The following TRIM36 variants were observed in gnomAD, a reference collection of about 807,000 sequenced individuals.
TRIM36 encodes E3 ubiquitin-protein ligase TRIM36.
In TRIM36, 42 loss-of-function variants were observed where a neutral mutation model predicts 72.4. The observed-to-expected ratio is 0.58, with a 90% CI of 0.45 to 0.75. The LOEUF is 0.75. Among genes scored for constraint, TRIM36 ranks in the 30% least tolerant of loss-of-function variants. The probability of loss-of-function intolerance (pLI) is 0.00; values close to 1 mark genes in which losing one functional copy is unlikely to be tolerated. For synonymous variants in TRIM36, 315 were observed against 282.8 expected, an observed-to-expected ratio of 1.11 and a Z score of -1.14; for missense variants, 913 against 857.1, an observed-to-expected ratio of 1.07 and a Z score of -0.81.
chr5:115,140,016 C>T (rs1025191693), intron 5 of TRIM36, among the ~76,000 whole-genome samples: 20 of 152,118 alleles, frequency 1.3e-4, no homozygotes, highest in Non-Finnish European at 2.9e-4. Context: ...TGATCATCTG[C>T]TTTGTGTTGA....
upstream of TRIM36, among the ~76,000 whole-genome samples, chr5:115,173,177 C>T (rs1354744786): frequency 6.6e-6 from 1 of 152,154 alleles, no homozygotes; most frequent in African/African-American, 2.4e-5. Context: ...AGACCCTTCC[C>T]AGTTCCTCAA....
In TRIM36 at chr5:115,126,296, G is replaced by T; in HGVS notation, c.*207C>A. The T allele has an allele frequency of 1.9e-6, 1 of 533,356 alleles. No individual in the cohort carries two copies. Among genetic ancestry groups the T allele is most frequent in the Admixed American group, 3.4e-5 (1 of 29,808 alleles). 33.0% of individuals were successfully genotyped at this position (533,356 alleles called of 1,614,324 possible). A position where few individuals can be genotyped will look rare whatever the true frequency, so the allele number is the denominator to read the frequency against. On this transcript the variant is annotated 3_prime_UTR_variant, in exon 10 of 10. Coordinates refer to ENST00000513154, the MANE Select transcript of TRIM36 (RefSeq NM_001300759.2). Reference sequence around the variant, plus strand: ...AACCACTTCAGTATTAACTTGGAAAGAACATCTTCACTTTCATCATTTGTG... The same window carrying T: ...AACCACTTCAGTATTAACTTGGAAATAACATCTTCACTTTCATCATTTGTG...
chr5:115,137,473 T>TAGAAGAC lies in TRIM36; in HGVS notation c.974_975insGTCTTCT (p.Glu326SerfsTer51). Reference sequence around the variant, plus strand: ...TGTTCTCTAGAAGTCCCTGGTACTCTTCCATTTGAGTCTGAAATTTGTCTA... The same window carrying TAGAAGAC: ...TGTTCTCTAGAAGTCCCTGGTACTCTAGAAGACTCCATTTGAGTCTGAAATTTGTCTA... On this transcript the variant is annotated frameshift_variant, in exon 6 of 10. Coordinates refer to ENST00000513154, the MANE Select transcript of TRIM36 (RefSeq NM_001300759.2). LOFTEE classifies it high-confidence loss of function. 1 of 1,614,204 alleles carries TAGAAGAC rather than the reference T, an allele frequency of 6.2e-7. No individual in the cohort carries two copies. Among genetic ancestry groups the TAGAAGAC allele is most frequent in the Non-Finnish European group, 8.5e-7 (1 of 1,180,028 alleles).
chr5:115,164,754 T>G (rs1409713379), intron 1 of TRIM36, among the ~76,000 whole-genome samples: 1 of 152,154 alleles, frequency 6.6e-6, no homozygotes, highest in Non-Finnish European at 1.5e-5. Context: ...CAATCATGCT[T>G]CCAAACAGTC....
At chr5:115,170,481 G>A (rs1394214383), upstream of TRIM36, among the ~76,000 whole-genome samples, 1 of 152,206 alleles carries the variant, frequency 6.6e-6, no homozygotes, top group Non-Finnish European at 1.5e-5. Flanking sequence ...GGCGACCAGA[G>A]TGAGACCCCG....
upstream of TRIM36, among the ~76,000 whole-genome samples, chr5:115,172,971 G>T (rs1263713893): frequency 3.3e-5 from 5 of 152,104 alleles, no homozygotes; most frequent in Admixed American, 6.5e-5. Context: ...AACTTTTTAA[G>T]GTTAAAAATC....
rs548335548 is a variant in TRIM36 at position 115,147,705 on chromosome 5, TTAAGA to T, written c.263-316_263-312del. On this transcript the variant is annotated intron_variant, in intron 2 of 9. Coordinates refer to ENST00000513154, the MANE Select transcript of TRIM36 (RefSeq NM_001300759.2). ...ACACGTAATACAATACTACATGGCGTTAAGATCTTTTAAAATTATATAATTAGCAT... is the reference window on the plus strand; with the variant it reads ...ACACGTAATACAATACTACATGGCGTTCTTTTAAAATTATATAATTAGCAT... Among the ~76,000 whole-genome samples, 20 of 152,226 alleles carry T rather than the reference TTAAGA, an allele frequency of 1.3e-4. No homozygotes were observed. In the East Asian group the frequency reaches 2.7e-3, roughly 21 times the overall value.
At chr5:115,160,398 A>C (rs1320948167) in intron 2 of TRIM36, among the ~76,000 whole-genome samples, 1 of 152,214 alleles carries the variant, frequency 6.6e-6, no homozygotes, top group East Asian at 1.9e-4. Context: ...ATTAAAGATC[A>C]TTTCACAGTC....
At chr5:115,158,076 T>C (rs1419243527) in intron 2 of TRIM36, among the ~76,000 whole-genome samples, 5 of 151,908 alleles carry the variant, frequency 3.3e-5, no homozygotes, top group South Asian at 2.1e-4. Context: ...AACTTACTCA[T>C]GTAACCAAAC....
At chr5:115,176,182 T>C (rs185441951) in intron 1 of TRIM36, among the ~76,000 whole-genome samples, 27 of 152,318 alleles carry the variant, frequency 1.8e-4, no homozygotes, top group African/African-American at 6.5e-4. Flanking sequence ...ACCTTACCAT[T>C]ATCACCCCAG....
intron 1 of TRIM36, chr5:115,177,682 A>G: frequency 4.3e-6 from 7 of 1,609,334 alleles, no homozygotes; most frequent in Non-Finnish European, 5.1e-6. Flanking sequence ...TTACGTTGAA[A>G]TGGTTAGGAG....
intron 2 of TRIM36, among the ~76,000 whole-genome samples, chr5:115,155,541 T>C (rs1277567311): frequency 2.0e-5 from 3 of 152,272 alleles, no homozygotes; most frequent in Non-Finnish European, 2.9e-5. Context: ...ATACACCACA[T>C]AAACAGAATT....
intron 4 of TRIM36, among the ~76,000 whole-genome samples, chr5:115,143,110 G>C (rs965254873): frequency 6.7e-6 from 1 of 149,370 alleles, no homozygotes; most frequent in African/African-American, 2.5e-5. Flanking sequence ...ATCAACTCTT[G>C]TGTGTGAGGA....
At chr5:115,169,020 G>C (rs1221012011) in intron 1 of TRIM36, 2 of 152,308 alleles carry the variant, frequency 1.3e-5, no homozygotes, top group African/African-American at 4.8e-5. Flanking sequence ...CTGATTAAGT[G>C]TGATGTGGCG....
chr5:115,134,033 T>G lies in TRIM36; in HGVS notation c.1325A>C (p.Lys442Thr). 6.2e-7 allele frequency: 1 copy of G among 1,613,982 alleles called. No individual in the cohort carries two copies. Among genetic ancestry groups the G allele is most frequent in the Middle Eastern group, 1.7e-4 (1 of 6,058 alleles). Reference sequence around the variant, plus strand: ...TGACATTTCATCATCTCTATTGATTTTCCGATATTCAAGAACATAGCTATC... The same window carrying G: ...TGACATTTCATCATCTCTATTGATTGTCCGATATTCAAGAACATAGCTATC... ...KADSYVLEYR[K>T]INRDDEMSWN... The change falls in exon 8 of 10, where the codon AAA (lysine) becomes ACA (threonine). Residue 442 changes from lysine (K) to threonine (T), a missense_variant. By Grantham distance (78) the Lys-to-Thr change is moderately conservative. Coordinates refer to ENST00000513154, the MANE Select transcript of TRIM36 (RefSeq NM_001300759.2).
At chr5:115,167,088 C>G (rs1754820305) in intron 1 of TRIM36, among the ~76,000 whole-genome samples, 1 of 152,210 alleles carries the variant, frequency 6.6e-6, no homozygotes, top group Admixed American at 6.5e-5. Flanking sequence ...GCCCAGTGGG[C>G]CTGAGCAAAA....
chr5:115,134,699 C>T (rs1737053931), intron 7 of TRIM36, among the ~76,000 whole-genome samples: 1 of 152,054 alleles, frequency 6.6e-6, no homozygotes, highest in South Asian at 2.1e-4. Context: ...TGCTACCACA[C>T]CTGGCTAATT....
At chr5:115,162,443 G>A (rs1754533831) in intron 2 of TRIM36, among the ~76,000 whole-genome samples, 3 of 152,200 alleles carry the variant, frequency 2.0e-5, no homozygotes, top group African/African-American at 4.8e-5. Flanking sequence ...AGCATCTACA[G>A]AGTACCATGT....
At chr5:115,136,461 T>C (rs1752970021) in intron 7 of TRIM36, among the ~76,000 whole-genome samples, 1 of 152,196 alleles carries the variant, frequency 6.6e-6, no homozygotes, top group East Asian at 1.9e-4. Flanking sequence ...AGTCACTCAG[T>C]CTATGGTACT....
Sources: gnomAD v4.1 joint callset for allele counts (sites outside exome capture counted in the v4.1 genomes callset) on GRCh38, gnomAD v4.1.1 for gene constraint, MANE v1.5 for transcripts, NCBI Gene and HGNC (gene_info 2026-07-23, HGNC 2026-07-21) for gene names.